KAZN: variants seen among roughly 807,000 people sequenced by gnomAD.
The protein encoded by KAZN is kazrin.
KAZN carries 40 observed loss-of-function variants against 87.4 expected under a neutral mutation model. The observed-to-expected ratio is 0.46, with a 90% CI of 0.36 to 0.60. The LOEUF is 0.60. KAZN is among the 20% of genes least tolerant of loss of function. The pLI is 0.00. For synonymous variants in KAZN, 466 were observed against 458.3 expected, an observed-to-expected ratio of 1.02 and a Z score of -0.22; for missense variants, 898 against 1,073.9, an observed-to-expected ratio of 0.84 and a Z score of 2.29.
At chr1:13,912,722 G>A (rs1216004661) in intron 1 of KAZN, among the ~76,000 whole-genome samples, 1 of 152,068 alleles carries the variant, frequency 6.6e-6, no homozygotes, top group African/African-American at 2.4e-5. Context: ...TCCCACCTCA[G>A]CCTCCCCAGT....
At chr1:15,078,748 G>A (rs1454131009) in intron 8 of KAZN, among the ~76,000 whole-genome samples, 1 of 152,212 alleles carries the variant, frequency 6.6e-6, no homozygotes, top group African/African-American at 2.4e-5. Context: ...CCTCTCAGCT[G>A]CCGCTACGGG....
At chr1:14,647,871 C>A (rs1680924676) in intron 1 of KAZN, among the ~76,000 whole-genome samples, 1 of 152,114 alleles carries the variant, frequency 6.6e-6, no homozygotes, top group Non-Finnish European at 1.5e-5. Flanking sequence ...ATGGTTGGAC[C>A]TAGAGAGGGA....
At chr1:14,634,141 A>T (rs906805812) in intron 1 of KAZN, among the ~76,000 whole-genome samples, 4 of 152,124 alleles carry the variant, frequency 2.6e-5, no homozygotes, top group Admixed American at 2.6e-4. Context: ...ACAAGGAGTT[A>T]TGTGTGTGTA....
At chr1:14,651,490 A>G (rs2148694989) in intron 1 of KAZN, among the ~76,000 whole-genome samples, 1 of 152,250 alleles carries the variant, frequency 6.6e-6, no homozygotes, top group East Asian at 1.9e-4. Context: ...AACTTTTCCT[A>G]CCAGGTTGGG....
At chr1:14,654,804 G>A (rs1482289860) in intron 1 of KAZN, among the ~76,000 whole-genome samples, 1 of 152,180 alleles carries the variant, frequency 6.6e-6, no homozygotes, top group Non-Finnish European at 1.5e-5. Context: ...TGTTGGAAAA[G>A]GGCTGGAGGA....
chr1:14,637,284 G>A (rs1436829674), intron 1 of KAZN, among the ~76,000 whole-genome samples: 1 of 152,178 alleles, frequency 6.6e-6, no homozygotes, highest in East Asian at 1.9e-4. Flanking sequence ...TAATATTTGT[G>A]TTCACTTTAC....
chr1:14,594,948 C>T (rs141850941), upstream of KAZN, among the ~76,000 whole-genome samples: 236 of 152,156 alleles, frequency 1.6e-3, 1 homozygote, highest in Admixed American at 0.014. Context: ...AGTTCAAGAG[C>T]AGTCTGGCCA....
chr1:14,405,605 A>AGTGTGTGTGTGTGT (rs1553167624), intron 2 of KAZN, among the ~76,000 whole-genome samples: 1 of 86,178 alleles, frequency 1.2e-5, no homozygotes, highest in Non-Finnish European at 2.5e-5. Flanking sequence ...GACCCAATAA[A>AGTGTGTGTGTGTGT]ATGTGTGTGT....
intron 1 of KAZN, among the ~76,000 whole-genome samples, chr1:14,816,797 G>A (rs943391861): frequency 2.6e-5 from 4 of 152,130 alleles, no homozygotes; most frequent in Non-Finnish European, 5.9e-5. Flanking sequence ...AATAGATAGA[G>A]ATGGCTGGAT....
chr1:14,958,074 T>A (rs1049205467), intron 1 of KAZN, among the ~76,000 whole-genome samples: 4 of 152,150 alleles, frequency 2.6e-5, no homozygotes, highest in African/African-American at 7.2e-5. Flanking sequence ...AGGCGCCCCA[T>A]CCTCAGGGCT....
intron 2 of KAZN, among the ~76,000 whole-genome samples, chr1:14,441,696 G>A (rs1666717470): frequency 6.6e-6 from 1 of 152,216 alleles, no homozygotes; most frequent in African/African-American, 2.4e-5. Context: ...ATCCCATAAA[G>A]CTGGCTCATG....
At chr1:14,716,224 C>G (rs1346138159) in intron 1 of KAZN, among the ~76,000 whole-genome samples, 2 of 152,086 alleles carry the variant, frequency 1.3e-5, no homozygotes, top group Non-Finnish European at 2.9e-5. Flanking sequence ...GCTTCCCACC[C>G]AGGAGTCTCT....
chr1:14,498,853 A>T (rs1213104527), intron 2 of KAZN, among the ~76,000 whole-genome samples: 1 of 152,062 alleles, frequency 6.6e-6, no homozygotes, highest in African/African-American at 2.4e-5. Context: ...CTACAGTGAC[A>T]GTTCCCCAGG....
At chr1:14,041,316 A>G (rs1004461196) in intron 1 of KAZN, among the ~76,000 whole-genome samples, 2 of 152,070 alleles carry the variant, frequency 1.3e-5, no homozygotes, top group Non-Finnish European at 2.9e-5. Context: ...GACTATGCAG[A>G]TATTGTTTAC....
intron 13 of KAZN, among the ~76,000 whole-genome samples, chr1:15,105,327 T>G (rs55935741): frequency 0.1 from 15,386 of 152,270 alleles, 1,012 homozygotes; most frequent in South Asian, 0.14. Flanking sequence ...TGACTTCTAA[T>G]TCAATCTCTT....
chr1:13,975,693 T>C (rs538168531), intron 1 of KAZN, among the ~76,000 whole-genome samples: 19 of 152,282 alleles, frequency 1.2e-4, no homozygotes, highest in Non-Finnish European at 2.1e-4. Context: ...GGCAGGTAGA[T>C]AGTATTGACT....
intron 1 of KAZN, among the ~76,000 whole-genome samples, chr1:14,006,477 T>C (rs1640042106): frequency 6.6e-6 from 1 of 152,226 alleles, no homozygotes; most frequent in African/African-American, 2.4e-5. Context: ...TTTTACAGTT[T>C]CAGTCCTTGT....
At chr1:14,917,202 G>A (rs538894971) in intron 1 of KAZN, among the ~76,000 whole-genome samples, 19 of 152,290 alleles carry the variant, frequency 1.2e-4, no homozygotes, top group South Asian at 8.3e-4. Flanking sequence ...GGTGGACCCC[G>A]AGTAAAATCC....
chr1:13,975,010 G>T (rs564635659), intron 1 of KAZN, among the ~76,000 whole-genome samples: 2 of 152,212 alleles, frequency 1.3e-5, no homozygotes, highest in African/African-American at 2.4e-5. Context: ...TTGTTTTCTA[G>T]TTGTTCATTT....
Sources: allele counts gnomAD v4.1 joint callset (sites outside exome capture counted in the v4.1 genomes callset), GRCh38; gene constraint gnomAD v4.1.1; transcripts MANE v1.5; gene names NCBI Gene and HGNC (gene_info 2026-07-23, HGNC 2026-07-21).